The following RBFOX1 variants were observed in gnomAD, a reference collection of about 807,000 sequenced individuals.
RBFOX1 encodes the protein RNA binding fox-1 homolog 1.
A neutral mutation model predicts 57.7 loss-of-function variants in RBFOX1; 8 were observed. That is an observed-to-expected ratio of 0.14 (90% CI 0.08 to 0.25). The LOEUF is 0.25. Ranked by LOEUF, RBFOX1 falls within the 10% of genes least tolerant of loss-of-function variation. The pLI, the probability that RBFOX1 is intolerant of heterozygous loss-of-function variation, is 1.00. For missense variants in RBFOX1, 611 were observed against 548.5 expected (o/e 1.11, Z -1.14); for synonymous variants, 326 against 222.4 (o/e 1.47, Z -4.15).
intron 1 of RBFOX1, among the ~76,000 whole-genome samples, chr16:6,022,454 G>C (rs941606171): frequency 6.6e-6 from 1 of 152,064 alleles, no homozygotes; most frequent in Non-Finnish European, 1.5e-5. Flanking sequence ...GCTGAGGTGG[G>C]CGTATTGCTT....
At chr16:6,392,104 C>T (rs1170848397) in intron 2 of RBFOX1, among the ~76,000 whole-genome samples, 1 of 152,156 alleles carries the variant, frequency 6.6e-6, no homozygotes, top group Non-Finnish European at 1.5e-5. Context: ...GAAAATTATG[C>T]CCAGAGTGAC....
chr16:7,379,465 A>T (rs779880531), intron 4 of RBFOX1, among the ~76,000 whole-genome samples: 2 of 152,246 alleles, frequency 1.3e-5, no homozygotes, highest in Non-Finnish European at 2.9e-5. Flanking sequence ...TTTATATAAG[A>T]AGAATGGCTT....
chr16:7,396,308 C>G (rs1378507390), intron 4 of RBFOX1, among the ~76,000 whole-genome samples: 15 of 152,072 alleles, frequency 9.9e-5, no homozygotes, highest in Admixed American at 9.8e-4. Context: ...AACTGTGGCC[C>G]CTGAGCAACA....
intron 4 of RBFOX1, among the ~76,000 whole-genome samples, chr16:7,188,346 C>A (rs532700934): frequency 5.9e-5 from 9 of 152,174 alleles, no homozygotes; most frequent in South Asian, 2.1e-4. Context: ...CTAAGTCCTG[C>A]ATTAGAATGT....
At chr16:6,788,561 T>G (rs1450149405) in intron 3 of RBFOX1, among the ~76,000 whole-genome samples, 6 of 151,944 alleles carry the variant, frequency 3.9e-5, no homozygotes, top group Non-Finnish European at 7.4e-5. Flanking sequence ...CTGCAAGCTC[T>G]GCCTTCTGGG....
At chr16:5,706,946 A>T (rs905846408) in intron 3 of RBFOX1, among the ~76,000 whole-genome samples, 1 of 152,098 alleles carries the variant, frequency 6.6e-6, no homozygotes, top group African/African-American at 2.4e-5. Context: ...CTTCATACAC[A>T]GTCCGTTTTC....
chr16:6,583,892 C>G (rs1239932448), intron 2 of RBFOX1, among the ~76,000 whole-genome samples: 1 of 151,970 alleles, frequency 6.6e-6, no homozygotes, highest in Non-Finnish European at 1.5e-5. Context: ...AAAGGCTAAT[C>G]AGTTTGGCTG....
At chr16:6,933,512 A>T (rs1268813558) in intron 3 of RBFOX1, among the ~76,000 whole-genome samples, 1 of 152,232 alleles carries the variant, frequency 6.6e-6, no homozygotes, top group Non-Finnish European at 1.5e-5. Context: ...CAGGAGTTCC[A>T]GACCAGCCTG....
intron 2 of RBFOX1, among the ~76,000 whole-genome samples, chr16:6,505,553 C>T (rs545707992): frequency 6.6e-6 from 1 of 152,238 alleles, no homozygotes; most frequent in South Asian, 2.1e-4. Context: ...TCTAGTACAG[C>T]TAGACAGAGA....
chr16:7,452,457 G>T (rs2057550450), intron 4 of RBFOX1, among the ~76,000 whole-genome samples: 1 of 152,180 alleles, frequency 6.6e-6, no homozygotes, highest in Non-Finnish European at 1.5e-5. Context: ...CTGGCATTGG[G>T]TTGCAAATGC....
chr16:7,294,939 GT>G (rs1275853471), intron 4 of RBFOX1, among the ~76,000 whole-genome samples: 2 of 152,132 alleles, frequency 1.3e-5, no homozygotes, highest in Non-Finnish European at 2.9e-5. Flanking sequence ...GATACTTCTT[GT>G]GCCCTCAGTT....
intron 5 of RBFOX1, among the ~76,000 whole-genome samples, chr16:7,559,025 G>C (rs901151445): frequency 2.0e-5 from 3 of 152,226 alleles, no homozygotes; most frequent in Admixed American, 6.5e-5. Context: ...TCAATGAAGA[G>C]TGCCTGGTCT....
intron 2 of RBFOX1, among the ~76,000 whole-genome samples, chr16:6,451,137 T>G (rs747750542): frequency 7.2e-5 from 11 of 151,732 alleles, no homozygotes; most frequent in Admixed American, 1.3e-4. Flanking sequence ...AACACAGTAT[T>G]CTTTTGATCC....
intron 4 of RBFOX1, among the ~76,000 whole-genome samples, chr16:7,223,169 C>T (rs533222929): frequency 3.3e-5 from 5 of 152,140 alleles, no homozygotes; most frequent in African/African-American, 1.2e-4. Flanking sequence ...GTTGACCAGC[C>T]AGGACAACAA....
At chr16:6,431,012 C>A (rs1194095710) in intron 2 of RBFOX1, among the ~76,000 whole-genome samples, 2 of 150,952 alleles carry the variant, frequency 1.3e-5, no homozygotes. Context: ...TTGCTGTGCA[C>A]CTGTAGTCCC....
At chr16:6,989,965 C>T (rs920842602) in intron 3 of RBFOX1, among the ~76,000 whole-genome samples, 2 of 152,110 alleles carry the variant, frequency 1.3e-5, no homozygotes, top group African/African-American at 2.4e-5. Flanking sequence ...CGCACCACCG[C>T]ACTCCAGCCT....
At chr16:6,178,696 C>T (rs1245711053) in intron 1 of RBFOX1, among the ~76,000 whole-genome samples, 1 of 152,156 alleles carries the variant, frequency 6.6e-6, no homozygotes, top group Non-Finnish European at 1.5e-5. Flanking sequence ...ATCTAGTCTA[C>T]CTTCTCATCT....
chr16:6,880,010 A>T (rs2062607001), intron 3 of RBFOX1, among the ~76,000 whole-genome samples: 2 of 152,120 alleles, frequency 1.3e-5, no homozygotes, highest in Admixed American at 6.5e-5. Context: ...TTAATCTTTC[A>T]TACTTGAAGC....
chr16:5,289,797 G>C (rs757590307), intron 1 of RBFOX1, among the ~76,000 whole-genome samples: 46 of 152,290 alleles, frequency 3.0e-4, no homozygotes, highest in Non-Finnish European at 4.9e-4. Context: ...GGTGAGGAAA[G>C]GCTTTCTTTC....
Sources: gnomAD v4.1 joint callset for allele counts (sites outside exome capture counted in the v4.1 genomes callset) on GRCh38, gnomAD v4.1.1 for gene constraint, MANE v1.5 for transcripts, NCBI Gene and HGNC (gene_info 2026-07-23, HGNC 2026-07-21) for gene names.